EGFLAM: variants seen among roughly 807,000 people sequenced by gnomAD.
The protein encoded by EGFLAM is pikachurin.
EGFLAM carries 79 observed loss-of-function variants against 113.1 expected under a neutral mutation model. That is an observed-to-expected ratio of 0.70 (90% CI 0.58 to 0.84). The LOEUF is 0.84. EGFLAM is among the 40% of genes least tolerant of loss of function. The pLI is 0.00. For missense variants in EGFLAM, 1,265 were observed against 1,291.6 expected, an observed-to-expected ratio of 0.98 and a Z score of 0.32; for synonymous variants, 504 against 487.6, an observed-to-expected ratio of 1.03 and a Z score of -0.44.
intron 1 of EGFLAM, among the ~76,000 whole-genome samples, chr5:38,324,381 C>A (rs564243486): frequency 9.2e-5 from 14 of 152,290 alleles, no homozygotes; most frequent in Non-Finnish European, 1.0e-4. Flanking sequence ...ATCCTGCCCC[C>A]CTCCACACAT....
chr5:38,425,221 C>T, intron 13 of EGFLAM, 129 bp downstream of exon 13: 1 of 1,394,434 alleles, frequency 7.2e-7, no homozygotes, highest in African/African-American at 1.5e-5. Context: ...CTCTCTTACC[C>T]AGGCCGGAGT....
chr5:38,443,402 G>A (rs1742610376), intron 17 of EGFLAM, among the ~76,000 whole-genome samples: 1 of 152,138 alleles, frequency 6.6e-6, no homozygotes, highest in African/African-American at 2.4e-5. Context: ...TTCTGTGGAT[G>A]GTATATCATT....
In EGFLAM at chr5:38,269,304, C is replaced by T. The variant is rs143662816; in HGVS notation, c.97+10453C>T. On this transcript the variant is annotated intron_variant, in intron 1 of 21. Coordinates refer to ENST00000322350, the MANE Select transcript of EGFLAM (RefSeq NM_152403.4). Reference sequence around the variant, plus strand: ...TCCCACCCCTAGTTTACTAGAAACTCCTTCTGTTTGTGTCCCATAACAAAA... The same window carrying T: ...TCCCACCCCTAGTTTACTAGAAACTTCTTCTGTTTGTGTCCCATAACAAAA... Among the ~76,000 whole-genome samples the T allele has an allele frequency of 4.4e-3, 667 of 152,214 alleles. 5 individuals carry two copies. The highest frequency in any genetic ancestry group is 0.015 in the African/African-American group (627 of 41,522).
chr5:38,354,560 C>T (rs1411306193), intron 5 of EGFLAM, among the ~76,000 whole-genome samples: 1 of 152,126 alleles, frequency 6.6e-6, no homozygotes, highest in Non-Finnish European at 1.5e-5. Flanking sequence ...GAAACCCCAT[C>T]TCTACTAAAA....
intron 6 of EGFLAM, among the ~76,000 whole-genome samples, chr5:38,379,220 G>T (rs1006989094): frequency 2.0e-5 from 3 of 152,126 alleles, no homozygotes; most frequent in Admixed American, 6.5e-5. Context: ...CCACAGAGGG[G>T]TTAATAACTG....
intron 3 of EGFLAM, among the ~76,000 whole-genome samples, chr5:38,340,477 A>C (rs1172815993): frequency 6.6e-6 from 1 of 152,066 alleles, no homozygotes; most frequent in Non-Finnish European, 1.5e-5. Flanking sequence ...AAACTTGCAT[A>C]GGGGCTACTC....
chr5:38,327,286 C>T (rs1370200131), intron 1 of EGFLAM, among the ~76,000 whole-genome samples: 2 of 152,164 alleles, frequency 1.3e-5, no homozygotes, highest in East Asian at 3.9e-4. Context: ...CGCAGATTTC[C>T]TTTAGTAACC....
chr5:38,307,126 C>T (rs900182804), intron 1 of EGFLAM, among the ~76,000 whole-genome samples: 18 of 151,998 alleles, frequency 1.2e-4, no homozygotes, highest in Admixed American at 1.1e-3. Flanking sequence ...CAAGCTCAGC[C>T]CAAATAGAAG....
rs11387030 is a variant in EGFLAM at position 38,383,181 on chromosome 5, A to AT, written c.712+12726dup. 6.4e-3 allele frequency among the ~76,000 whole-genome samples: 978 copies of AT among 152,266 alleles called. 28 individuals carry two copies. The South Asian group carries it at 0.075, about 12-fold the overall frequency. ...CATGGGAGAAGGCAACTAATTTTAGATTTTTTTCTGGTGCAACCAAACGTC... is the reference window on the plus strand; with the variant it reads ...CATGGGAGAAGGCAACTAATTTTAGATTTTTTTTCTGGTGCAACCAAACGTC... On this transcript the variant is annotated intron_variant, in intron 6 of 21. Coordinates refer to ENST00000322350, the MANE Select transcript of EGFLAM (RefSeq NM_152403.4).
intron 6 of EGFLAM, chr5:38,403,656 C>T (rs1741187269): frequency 4.1e-6 from 4 of 967,666 alleles, no homozygotes; most frequent in East Asian, 3.0e-5. Context: ...GCTATTTCAT[C>T]GTGCTACTCA....
At chr5:38,330,326 C>T (rs912550584) in intron 1 of EGFLAM, among the ~76,000 whole-genome samples, 2 of 152,094 alleles carry the variant, frequency 1.3e-5, no homozygotes, top group African/African-American at 4.8e-5. Context: ...TCCAGCCAAG[C>T]AAGGCCATCA....
intron 1 of EGFLAM, among the ~76,000 whole-genome samples, chr5:38,267,557 A>G (rs1177655024): frequency 6.6e-6 from 1 of 152,080 alleles, no homozygotes; most frequent in Non-Finnish European, 1.5e-5. Flanking sequence ...TATTGTCTGT[A>G]ATTTATTTTT....
chr5:38,337,681 T>C (rs1466963781), intron 2 of EGFLAM, 52 bp downstream of exon 2: 4 of 1,442,382 alleles, frequency 2.8e-6, no homozygotes, highest in Admixed American at 2.0e-5. Context: ...TGTGACTGTA[T>C]GTCTTTCTCA....
chr5:38,396,646 T>C (rs2112100490), intron 6 of EGFLAM, among the ~76,000 whole-genome samples: 1 of 152,324 alleles, frequency 6.6e-6, no homozygotes, highest in South Asian at 2.1e-4. Context: ...TGTCTGAATT[T>C]TACACTGCGC....
At position 38,418,105 on chromosome 5, in the gene EGFLAM, C is replaced by G; in HGVS notation, c.1534C>G (p.Leu512Val). 1 of 1,614,186 alleles carries G rather than the reference C, an allele frequency of 6.2e-7. No individual in the cohort carries two copies. Among genetic ancestry groups the G allele is most frequent in the South Asian group, 1.1e-5 (1 of 91,074 alleles). The change falls in exon 12 of 22, where the codon CTT becomes GTT. Residue 512 changes from leucine to valine, a missense_variant. Leu to Val is a conservative substitution (Grantham distance 32, BLOSUM62 1). Transcript: ENST00000322350. The stretch of plus-strand genomic sequence containing the variant: ...AATTACTTTCCGGACACCTCTCTAT[C>G]TTGGTGGCGCTCCCAGCGCTTACTG... ...SKITFRTPLY[L>V]GGAPSAYWLV...
intron 5 of EGFLAM, among the ~76,000 whole-genome samples, chr5:38,364,008 C>G (rs368553881): frequency 7.9e-5 from 12 of 152,312 alleles, no homozygotes; most frequent in East Asian, 3.9e-4. Context: ...ACTTTATTTA[C>G]TAAGACTGGC....
chr5:38,264,005 T>C (rs1039578275), intron 1 of EGFLAM, among the ~76,000 whole-genome samples: 1 of 152,196 alleles, frequency 6.6e-6, no homozygotes, highest in Non-Finnish European at 1.5e-5. Flanking sequence ...TATAGATCGT[T>C]TGTCTCTCTA....
At chr5:38,260,199 G>C (rs971304420) in intron 1 of EGFLAM, among the ~76,000 whole-genome samples, 1 of 152,170 alleles carries the variant, frequency 6.6e-6, no homozygotes, top group African/African-American at 2.4e-5. Flanking sequence ...TTTCAGTGAA[G>C]GGCTTCTTTC....
At chr5:38,426,409 A>G (rs1262752208) in intron 13 of EGFLAM, among the ~76,000 whole-genome samples, 1 of 152,216 alleles carries the variant, frequency 6.6e-6, no homozygotes. Context: ...TGAAATTAAA[A>G]TAAAAAGAAA....
Sources: gnomAD v4.1 joint callset for allele counts (sites outside exome capture counted in the v4.1 genomes callset) on GRCh38, gnomAD v4.1.1 for gene constraint, MANE v1.5 for transcripts, NCBI Gene and HGNC (gene_info 2026-07-23, HGNC 2026-07-21) for gene names.